The following PIH1D2 variants were observed in gnomAD, a reference collection of about 807,000 sequenced individuals.
The protein encoded by PIH1D2 is PIH1 domain-containing protein 2.
In PIH1D2, 25 loss-of-function variants were observed where a neutral mutation model predicts 31.2. The ratio of observed to expected loss-of-function variants is 0.80; its 90% CI spans 0.58 to 1.12. PIH1D2 has a LOEUF of 1.12. Among genes scored for constraint, PIH1D2 ranks in the 50% most tolerant of loss-of-function variants. The pLI, the probability that PIH1D2 is intolerant of heterozygous loss-of-function variation, is 0.00. For synonymous variants in PIH1D2, 116 were observed against 119.9 expected (o/e 0.97, Z 0.21); for missense variants, 310 against 356.6 (o/e 0.87, Z 1.05).
At chr11:112,067,552 C>T (rs1450748029), downstream of PIH1D2, among the ~76,000 whole-genome samples, 2 of 146,680 alleles carry the variant, frequency 1.4e-5, no homozygotes, top group East Asian at 4.2e-4. Flanking sequence ...GTAATCCCAG[C>T]TACTCGGGAG....
the PIH1D2 span, among the ~76,000 whole-genome samples, chr11:112,055,235 ATTTTTTTTTTTTT>A: frequency 1.6e-4 from 12 of 75,454 alleles, no homozygotes; most frequent in East Asian, 3.6e-3. Flanking sequence ...GTCAAGGCCT[ATTTTTTTTTTTTT>A]TTTTTTTTTT....
At chr11:112,070,217 G>A (rs1555184358) in intron 5 of PIH1D2, 1 of 623,794 alleles carries the variant, frequency 1.6e-6, no homozygotes, top group African/African-American at 1.8e-5. Context: ...GAAGTGTCAT[G>A]TCTGAGTAGA....
the PIH1D2 span, among the ~76,000 whole-genome samples, chr11:112,056,722 T>C: frequency 1.3e-5 from 2 of 152,208 alleles, no homozygotes; most frequent in Admixed American, 6.5e-5. Context: ...AGGGTAAAAT[T>C]ATGTTTAATT....
At chr11:112,060,178 T>G (rs587651366), downstream of PIH1D2, 1 of 1,039,362 alleles carries the variant, frequency 9.6e-7, no homozygotes, top group East Asian at 2.7e-5. Context: ...TTTTTTTTTT[T>G]TTTGAGACGG....
chr11:112,064,164 A>G, downstream of PIH1D2: 1 of 1,563,906 alleles, frequency 6.4e-7, no homozygotes, highest in South Asian at 1.2e-5. Flanking sequence ...TCTGGTTCAA[A>G]CATTCAAAAC....
downstream of PIH1D2, chr11:112,060,084 C>G (rs1555183033): frequency 1.9e-6 from 3 of 1,604,134 alleles, no homozygotes; most frequent in South Asian, 3.3e-5. Flanking sequence ...TTAATTATTG[C>G]TTTCTAATTA....
At chr11:112,064,282 G>A (rs1864819058), downstream of PIH1D2, 2 of 1,405,054 alleles carry the variant, frequency 1.4e-6, no homozygotes, top group Non-Finnish European at 1.9e-6. Context: ...AAATTAATCT[G>A]AGCTATAATC....
At chr11:112,060,336 A>T (rs1555183079), downstream of PIH1D2, among the ~76,000 whole-genome samples, 3 of 149,730 alleles carry the variant, frequency 2.0e-5, no homozygotes. Flanking sequence ...AGTTTTTTGT[A>T]TTTTTAGTAG....
At chr11:112,065,810 G>T (rs1358380810), downstream of PIH1D2, among the ~76,000 whole-genome samples, 1 of 152,100 alleles carries the variant, frequency 6.6e-6, no homozygotes, top group African/African-American at 2.4e-5. Context: ...ATGAGACCCA[G>T]TCTCTACTGA....
intron 3 of PIH1D2, 139 bp from the exon 4 acceptor site, chr11:112,071,422 C>A: frequency 7.7e-7 from 1 of 1,292,582 alleles, no homozygotes; most frequent in African/African-American, 1.5e-5. Context: ...AGTAGTGCTA[C>A]AGCAATTATG....
chr11:112,062,003 A>G (rs1175604454), downstream of PIH1D2, among the ~76,000 whole-genome samples: 3 of 152,180 alleles, frequency 2.0e-5, no homozygotes, highest in African/African-American at 7.2e-5. Flanking sequence ...AGTTAGTCCT[A>G]TTTGAGGTGG....
chr11:112,054,136 C>G, the PIH1D2 span, among the ~76,000 whole-genome samples: 1 of 151,490 alleles, frequency 6.6e-6, no homozygotes, highest in Non-Finnish European at 1.5e-5. Flanking sequence ...TGGTGAAACC[C>G]TGTCTCTGCT....
At chr11:112,065,754 G>A (rs1217094050), downstream of PIH1D2, among the ~76,000 whole-genome samples, 1 of 152,236 alleles carries the variant, frequency 6.6e-6, no homozygotes, top group Non-Finnish European at 1.5e-5. Context: ...GCCGAGGCGG[G>A]CAGATCACTT....
At chr11:112,070,331 C>CTT in intron 5 of PIH1D2, 105 bp downstream of exon 5, 1 of 1,374,278 alleles carries the variant, frequency 7.3e-7, no homozygotes, top group Non-Finnish European at 1.0e-6. Context: ...GTAACCTGAG[C>CTT]AAATCATTGT....
Position 112,071,133 on chromosome 11 carries a change from G to A in PIH1D2, c.452C>T (p.Thr151Ile), listed in dbSNP as rs1555184551. ...QFTLSHSYHI[T>I]KFRIKGSIQR... ...AATGCTTCCTTTTATTCTAAATTTG[G>A]TAATATGGTAAGAGTGTGAGAGGGT... Residue 151 changes from threonine (T) to isoleucine (I), a missense_variant, in exon 4 of 6, where the codon ACC (threonine) becomes ATC (isoleucine). Transcript: ENST00000280350. 6.2e-7 allele frequency: 1 copy of A among 1,613,498 alleles called. No individual in the cohort carries two copies. The highest frequency in any genetic ancestry group is 8.5e-7 in the Non-Finnish European group (1 of 1,179,830).
chr11:112,067,012 G>A (rs587755748), downstream of PIH1D2, among the ~76,000 whole-genome samples: 3 of 152,288 alleles, frequency 2.0e-5, no homozygotes, highest in East Asian at 1.9e-4. Flanking sequence ...GCAGTGAGCC[G>A]AGATTGTGCC....
chr11:112,064,165 C>T, downstream of PIH1D2: 1 of 1,563,392 alleles, frequency 6.4e-7, no homozygotes, highest in South Asian at 1.2e-5. Context: ...CTGGTTCAAA[C>T]ATTCAAAACT....
chr11:112,064,026 T>G, downstream of PIH1D2: 1 of 717,032 alleles, frequency 1.4e-6, no homozygotes, highest in South Asian at 2.1e-5. Context: ...CCACACAGAC[T>G]TTTACCTTGC....
At chr11:112,060,075 TA>T, downstream of PIH1D2, 3 of 1,611,994 alleles carry the variant, frequency 1.9e-6, no homozygotes, top group Non-Finnish European at 2.5e-6. Flanking sequence ...GGTAGGGTAT[TA>T]ATTATTGCTT....
Sources: gnomAD v4.1 joint callset for allele counts (sites outside exome capture counted in the v4.1 genomes callset) on GRCh38, gnomAD v4.1.1 for gene constraint, MANE v1.5 for transcripts, NCBI Gene and HGNC (gene_info 2026-07-23, HGNC 2026-07-21) for gene names.